CCDC40: variants seen among roughly 807,000 people sequenced by gnomAD.
The protein encoded by CCDC40 is coiled-coil domain-containing protein 40.
Under a neutral mutation model 124.5 loss-of-function variants are expected in CCDC40, and 104 were observed. That is an observed-to-expected ratio of 0.84 (90% confidence interval 0.71 to 0.98). The LOEUF is 0.98. CCDC40 is among the 50% of genes least tolerant of loss of function. The pLI, the probability that CCDC40 is intolerant of heterozygous loss-of-function variation, is 0.00. For synonymous variants in CCDC40, 580 were observed against 602.9 expected (o/e 0.96, Z 0.56); for missense variants, 1,463 against 1,503.9 (o/e 0.97, Z 0.45).
intron 12 of CCDC40, among the ~76,000 whole-genome samples, chr17:80,083,149 T>A (rs1340102120): frequency 7.2e-6 from 1 of 139,764 alleles, no homozygotes; most frequent in Non-Finnish European, 1.6e-5. Context: ...GGAGCGGGGG[T>A]GCAGGCCCGG....
In CCDC40 at chr17:80,082,044, G is replaced by A. The variant is rs749461857; in HGVS notation, c.1975G>A (p.Glu659Lys). Residue 659 changes from glutamate (E) to lysine (K), a missense_variant, in exon 12 of 20, where the codon GAG becomes AAG. Coordinates refer to ENST00000397545, the MANE Select transcript of CCDC40 (RefSeq NM_017950.4). ...CCAGCTCATCCTGAGGCTGCAGAAG[G>A]AGAAGACCAACATGGTAGGCCCCTG... Reference protein sequence around the residue: ...FNQLILRLQKEKTNMMTHLSK... With the variant: ...FNQLILRLQKKKTNMMTHLSK... The A allele has an allele frequency of 1.2e-6, 2 of 1,613,182 alleles. No individual in the cohort carries two copies. Among genetic ancestry groups the A allele is most frequent in the Non-Finnish European group, 1.7e-6 (2 of 1,179,890 alleles).
intron 1 of CCDC40, 32 bp downstream of exon 1, chr17:80,036,723 A>G (rs1349258515): frequency 6.8e-7 from 1 of 1,463,278 alleles, no homozygotes; most frequent in Non-Finnish European, 9.0e-7. Context: ...CGGGTCTTGG[A>G]GTCGCCAGGC....
chr17:80,058,568 C>T lies in CCDC40; in HGVS notation c.1234C>T (p.Arg412Cys), dbSNP rs200512481. The change falls in exon 8 of 20, where the codon CGT (arginine) becomes TGT (cysteine). Residue 412 changes from arginine to cysteine, a missense_variant. Coordinates refer to ENST00000397545, the MANE Select transcript of CCDC40 (RefSeq NM_017950.4). This position sits in a 1 kb window ranked among gnomAD's most constrained non-coding sequence, Gnocchi z 4.2. The stretch of plus-strand genomic sequence containing the variant: ...CATGCAGAACATCGACCAGGACATG[C>T]GTGACGACATCCGCGTGATGACACA... ...FYMQNIDQDM[R>C]DDIRVMTQVV... 1.4e-5 allele frequency: 23 copies of T among 1,613,914 alleles called. No homozygotes were observed. The highest frequency in any genetic ancestry group is 3.3e-5 in the South Asian group (3 of 91,078).
chr17:80,069,073 C>G (rs1598516497), intron 10 of CCDC40, among the ~76,000 whole-genome samples: 1 of 152,202 alleles, frequency 6.6e-6, no homozygotes, highest in Non-Finnish European at 1.5e-5. Flanking sequence ...TTCCCCACCC[C>G]TCCTCCCTCC....
chr17:80,050,451 G>T (rs976985264), intron 7 of CCDC40, among the ~76,000 whole-genome samples, 168 bp downstream of exon 7: 2 of 152,110 alleles, frequency 1.3e-5, no homozygotes, highest in Admixed American at 1.3e-4. Context: ...TCTTTTTGTT[G>T]TTGTTTTTTT....
At chr17:80,075,081 C>T (rs191005435) in intron 10 of CCDC40, among the ~76,000 whole-genome samples, 90 of 152,038 alleles carry the variant, frequency 5.9e-4, no homozygotes, top group East Asian at 7.7e-4. Context: ...TACCACCACA[C>T]CTGGCTAATT....
At chr17:80,067,912 G>T in intron 10 of CCDC40, 1 of 1,320,798 alleles carries the variant, frequency 7.6e-7, no homozygotes, top group South Asian at 2.0e-5. Flanking sequence ...AATGTTGAGT[G>T]AATATTTTAG....
intron 1 of CCDC40, chr17:80,037,807 TC>T (rs2037164283): frequency 3.0e-6 from 1 of 329,438 alleles, no homozygotes; most frequent in Non-Finnish European, 5.9e-6. Context: ...GTATTTCTTT[TC>T]CCCAGTTTTG....
intron 3 of CCDC40, 115 bp from the exon 4 acceptor site, chr17:80,047,164 A>G: frequency 2.5e-6 from 3 of 1,201,350 alleles, no homozygotes; most frequent in Non-Finnish European, 3.6e-6. Context: ...TAAAAAACAC[A>G]CAGGTGACTA....
At chr17:80,042,369 C>T (rs114722212) in intron 3 of CCDC40, among the ~76,000 whole-genome samples, 2,285 of 152,272 alleles carry the variant, frequency 0.015, 56 homozygotes, top group African/African-American at 0.052. Flanking sequence ...ATCTGCCTGC[C>T]GCAGCTTCCC....
intron 18 of CCDC40, among the ~76,000 whole-genome samples, chr17:80,096,068 C>T (rs114825720): frequency 0.12 from 18,349 of 152,286 alleles, 1,270 homozygotes; most frequent in African/African-American, 0.2. Flanking sequence ...CCCCACAGCC[C>T]CGCTGACCCG....
At chr17:80,078,097 C>T (rs1473193329) in intron 10 of CCDC40, among the ~76,000 whole-genome samples, 3 of 152,004 alleles carry the variant, frequency 2.0e-5, no homozygotes, top group Admixed American at 6.6e-5. Flanking sequence ...TTTGGGAGGC[C>T]AAGGTGGGCG....
In CCDC40 at chr17:80,039,916, G is replaced by A; in HGVS notation, c.198G>A (p.Glu66=). ...VTTQAEAAIE[E]GEVETEGEAA... ...CCCAAGCGGAAGCTGCAATTGAAGA[G>A]GGGGAGGTGGAGACAGAAGGGGAAG... Residue 66 remains glutamate, a synonymous_variant, in exon 3 of 20, where the codon GAG becomes GAA. Coordinates refer to ENST00000397545, the MANE Select transcript of CCDC40 (RefSeq NM_017950.4). The A allele has an allele frequency of 6.2e-7, 1 of 1,613,450 alleles. No individual in the cohort carries two copies.
In CCDC40 at chr17:80,058,076, G is replaced by A. The variant is rs1251576747; in HGVS notation, c.1160-418G>A. Among the ~76,000 whole-genome samples, 1 of 152,110 alleles carries A rather than the reference G, an allele frequency of 6.6e-6. No homozygotes were observed. The highest frequency in any genetic ancestry group is 1.5e-5 in the Non-Finnish European group (1 of 68,022). On this transcript the variant is annotated intron_variant, in intron 7 of 19. Coordinates refer to ENST00000397545, the MANE Select transcript of CCDC40 (RefSeq NM_017950.4). This position sits in a 1 kb window ranked among gnomAD's most constrained non-coding sequence, Gnocchi z 4.2. ...AGTGCAGGGGCATCTGTGGAGCTCAGCCTGCCCTGGATGTTCTCGTCTCCT... is the reference window on the plus strand; with the variant it reads ...AGTGCAGGGGCATCTGTGGAGCTCAACCTGCCCTGGATGTTCTCGTCTCCT...
chr17:80,097,161 TG>T, intron 18 of CCDC40, 83 bp from the exon 19 acceptor site: 1 of 1,440,306 alleles, frequency 6.9e-7, no homozygotes, highest in Non-Finnish European at 9.7e-7. Flanking sequence ...GGAAGGTGCC[TG>T]GCAGGTCCTC....
In CCDC40 at chr17:80,090,277, G is replaced by A. The variant is rs1567813613; in HGVS notation, c.2832+393G>A. 25 of 1,302,560 alleles carry A rather than the reference G, an allele frequency of 1.9e-5. 1 individual carries two copies. Among genetic ancestry groups the A allele is most frequent in the South Asian group, 3.2e-5 (2 of 62,018 alleles). 80.7% of individuals were successfully genotyped at this position (1,302,560 alleles called of 1,614,324 possible). ...ACGGGACGCGCGCGGGCACGTGCACGAACAACACGGGACGCGCGCAGGCAC... is the reference window on the plus strand; with the variant it reads ...ACGGGACGCGCGCGGGCACGTGCACAAACAACACGGGACGCGCGCAGGCAC... On this transcript the variant is annotated intron_variant, in intron 17 of 19. Coordinates refer to ENST00000397545, the MANE Select transcript of CCDC40 (RefSeq NM_017950.4).
chr17:80,082,698 C>T (rs1024587320), intron 12 of CCDC40, among the ~76,000 whole-genome samples: 2 of 152,078 alleles, frequency 1.3e-5, no homozygotes, highest in Non-Finnish European at 2.9e-5. Context: ...AGCTGAAGGG[C>T]GTGGTGGGTG....
rs755600220 is a variant in CCDC40, at chr17:80,081,943, G to C, written c.1874G>C (p.Arg625Thr). Residue 625 changes from arginine to threonine, a missense_variant, in exon 12 of 20, where the codon AGG becomes ACG. Physicochemically the swap from Arg to Thr is moderately conservative, Grantham distance 71. Transcript: ENST00000397545. ...RQAIQGELEL[R>T]RKTDAAIREK... ...GCCATCCAGGGCGAGCTGGAGCTCA[G>C]GAGGAAGACGGATGCTGCCATCCGG... 1.7e-5 allele frequency: 28 copies of C among 1,613,832 alleles called. No individual in the cohort carries two copies. Among genetic ancestry groups the C allele is most frequent in the Admixed American group, 1.3e-4 (8 of 59,988 alleles).
At position 80,058,609 on chromosome 17, in the gene CCDC40, C is replaced by T. The variant is rs145013523; in HGVS notation, c.1275C>T (p.Ala425=). ...IRVMTQVVKK[A]ETERIRAEIE... The stretch of plus-strand genomic sequence containing the variant: ...TGATGACACAAGTGGTAAAGAAGGC[C>T]GAGACGGAGAGGATCCGGGCAGAAA... The change falls in exon 8 of 20, where the codon GCC becomes GCT. Residue 425 remains alanine (A), a synonymous_variant. Coordinates refer to ENST00000397545, the MANE Select transcript of CCDC40 (RefSeq NM_017950.4). The surrounding 1 kb of genome is among the most constrained non-coding windows in gnomAD (Gnocchi z 4.2). 674 of 1,614,172 alleles carry T rather than the reference C, an allele frequency of 4.2e-4. 2 individuals carry two copies. The African/African-American group carries it at 6.5e-3, about 16-fold the overall frequency.
Sources: allele counts gnomAD v4.1 joint callset (sites outside exome capture counted in the v4.1 genomes callset), GRCh38; gene constraint gnomAD v4.1.1; non-coding constraint Gnocchi (gnomAD v3.1); transcripts MANE v1.5; gene names NCBI Gene and HGNC (gene_info 2026-07-23, HGNC 2026-07-21).